The following TSPAN11 variants were observed in gnomAD, a reference collection of about 807,000 sequenced individuals.
TSPAN11 encodes tetraspanin-11.
In TSPAN11, 29 loss-of-function variants were observed where a neutral mutation model predicts 32.9. That is an observed-to-expected ratio of 0.88 (90% confidence interval 0.66 to 1.20). The LOEUF (loss-of-function observed/expected upper bound fraction) is 1.20. Ranked by LOEUF, TSPAN11 falls within the 50% of genes most tolerant of loss-of-function variation. TSPAN11 has a pLI of 0.00. For synonymous variants in TSPAN11, 140 were observed against 141.3 expected (o/e 0.99, Z 0.07); for missense variants, 283 against 329.1 (o/e 0.86, Z 1.08).
At chr12:30,930,723 G>A (rs1397027451) in intron 1 of TSPAN11, among the ~76,000 whole-genome samples, 3 of 152,242 alleles carry the variant, frequency 2.0e-5, no homozygotes, top group African/African-American at 7.2e-5. Context: ...GGCTTGAAGA[G>A]TGGTGACTAC....
chr12:30,954,041 A>C lies in TSPAN11; in HGVS notation c.50A>C (p.Lys17Thr). 1 of 1,613,912 alleles carries C rather than the reference A, an allele frequency of 6.2e-7. No homozygotes were observed. Among genetic ancestry groups the C allele is most frequent in the Non-Finnish European group, 8.5e-7 (1 of 1,179,962 alleles). The change falls in exon 2 of 8, where the codon AAG becomes ACG. Residue 17 changes from lysine to threonine, a missense_variant. By Grantham distance (78) the Lys-to-Thr change is moderately conservative (BLOSUM62 -1). Transcript: ENST00000546076. ...EQDDWLIIYL[K>T]YLLFVFNFFF... Reference sequence around the variant, plus strand: ...GACGACTGGCTGATCATCTACTTGAAGTATTTACTCTTTGTCTTCAACTTC... The same window carrying C: ...GACGACTGGCTGATCATCTACTTGACGTATTTACTCTTTGTCTTCAACTTC...
chr12:30,978,674 T>G (rs1939025154), intron 4 of TSPAN11, 39 bp downstream of exon 4: 3 of 1,605,460 alleles, frequency 1.9e-6, no homozygotes, highest in Non-Finnish European at 2.6e-6. Context: ...TCTGTCAGTG[T>G]CCTGAAGAAG....
At position 30,952,652 on chromosome 12, in the gene TSPAN11, A is replaced by T. The variant is rs865972978; in HGVS notation, c.-11-1329A>T. ...TTGGGGCGTGGTCACGCACCAGCCCAGGAGGCAAGAATAGGATGAAAGGAT... is the reference window on the plus strand; with the variant it reads ...TTGGGGCGTGGTCACGCACCAGCCCTGGAGGCAAGAATAGGATGAAAGGAT... On this transcript the variant is annotated intron_variant, in intron 1 of 7. Transcript: ENST00000546076. Among the ~76,000 whole-genome samples, 2 of 152,196 alleles carry T rather than the reference A, an allele frequency of 1.3e-5. 1 individual carries two copies. The highest frequency in any genetic ancestry group is 4.8e-5 in the African/African-American group (2 of 41,438).
rs1386591937 is a variant in TSPAN11 at position 30,995,967 on chromosome 12, C to T, written c.*4052C>T. The T allele has an allele frequency of 6.6e-6, 1 of 152,230 alleles. No individual in the cohort carries two copies. The highest frequency in any genetic ancestry group is 2.4e-5 in the African/African-American group (1 of 41,446). The allele number at this position is 152,230 out of a possible 1,614,324, so 9.4% of individuals were successfully genotyped here. On this transcript the variant is annotated 3_prime_UTR_variant, in exon 8 of 8. Transcript: ENST00000546076. ...AGCCACCCTCCTTTACATGTCACAA[C>T]GCTCAGGGTCCATGAGTACCTCAGG...
In TSPAN11 at chr12:30,980,632, A is replaced by C. The variant is rs912495786; in HGVS notation, c.456+962A>C. On this transcript the variant is annotated intron_variant, in intron 5 of 7. Coordinates refer to ENST00000546076, the MANE Select transcript of TSPAN11 (RefSeq NM_001370302.1). ...GAGGTAGTAGATGTGGGGAGCTGTGAGCCCCAGCGGCGTCATGGATCAACT... is the reference window on the plus strand; with the variant it reads ...GAGGTAGTAGATGTGGGGAGCTGTGCGCCCCAGCGGCGTCATGGATCAACT... Among the ~76,000 whole-genome samples, 5 of 150,828 alleles carry C rather than the reference A, an allele frequency of 3.3e-5. No individual in the cohort carries two copies. The South Asian group carries it at 8.6e-4, about 26-fold the overall frequency.
intron 3 of TSPAN11, among the ~76,000 whole-genome samples, chr12:30,968,954 C>T (rs987502156): frequency 2.0e-5 from 3 of 152,174 alleles, no homozygotes; most frequent in African/African-American, 4.8e-5. Flanking sequence ...TTCTGCCTGC[C>T]TCCTTGTGTT....
rs1325142616 is a variant in TSPAN11 at position 30,994,757 on chromosome 12, A to C, written c.*2842A>C. ...TCCTGCTGTGCACTTAGAATCTGTC[A>C]CCATAAATACTTATCTCGCAGTTAC... On this transcript the variant is annotated 3_prime_UTR_variant, in exon 8 of 8. Coordinates refer to ENST00000546076, the MANE Select transcript of TSPAN11 (RefSeq NM_001370302.1). The C allele has an allele frequency of 6.6e-6, 1 of 152,102 alleles. No homozygotes were observed. The highest frequency in any genetic ancestry group is 1.5e-5 in the Non-Finnish European group (1 of 68,022). 9.4% of individuals were successfully genotyped at this position (152,102 alleles called of 1,614,324 possible).
the TSPAN11 span, chr12:31,012,895 A>G: frequency 6.6e-6 from 1 of 152,258 alleles, no homozygotes; most frequent in African/African-American, 2.4e-5. Context: ...GGATAAAGAT[A>G]CAAGATATTT....
chr12:30,964,078 C>CA, intron 3 of TSPAN11, 61 bp downstream of exon 3: 1 of 1,561,314 alleles, frequency 6.4e-7, no homozygotes, highest in South Asian at 1.2e-5. Context: ...GTCAGGTTTC[C>CA]AGCAAGTGAG....
At chr12:31,014,719 C>G in the TSPAN11 span, among the ~76,000 whole-genome samples, 1 of 152,162 alleles carries the variant, frequency 6.6e-6, no homozygotes, top group Admixed American at 6.5e-5. Context: ...TGACAGTAAC[C>G]AGCCCCTCCT....
chr12:30,978,958 C>T (rs1401649284), intron 4 of TSPAN11: 1 of 359,562 alleles, frequency 2.8e-6, no homozygotes, highest in Non-Finnish European at 5.1e-6. Context: ...AGAAGAAAGG[C>T]CTGGGCCAGG....
chr12:31,009,394 GC>G, the TSPAN11 span, among the ~76,000 whole-genome samples: 1 of 152,342 alleles, frequency 6.6e-6, no homozygotes, highest in East Asian at 1.9e-4. Flanking sequence ...TTTGCCGGGT[GC>G]CTGTTCTGGC....
chr12:30,929,931 T>C (rs1937883697), intron 1 of TSPAN11, among the ~76,000 whole-genome samples: 1 of 152,194 alleles, frequency 6.6e-6, no homozygotes, highest in African/African-American at 2.4e-5. Flanking sequence ...ACCACCCTTT[T>C]CTAAGCCCCA....
intron 3 of TSPAN11, among the ~76,000 whole-genome samples, chr12:30,977,243 G>C (rs976555841): frequency 6.6e-6 from 1 of 152,202 alleles, no homozygotes; most frequent in African/African-American, 2.4e-5. Context: ...TGGGCCCATG[G>C]ATTAGCATTG....
At chr12:30,939,245 A>AT (rs1938108804) in intron 1 of TSPAN11, among the ~76,000 whole-genome samples, 1 of 151,516 alleles carries the variant, frequency 6.6e-6, no homozygotes, top group Non-Finnish European at 1.5e-5. Flanking sequence ...CATCAAAAAA[A>AT]AAAAAAAAAT....
chr12:31,013,053 T>A, the TSPAN11 span, among the ~76,000 whole-genome samples: 1 of 152,210 alleles, frequency 6.6e-6, no homozygotes, highest in Non-Finnish European at 1.5e-5. Context: ...AAGAGACTGA[T>A]GGGTGGTTTA....
chr12:30,989,402 G>A (rs1324958471), intron 7 of TSPAN11, among the ~76,000 whole-genome samples: 1 of 152,144 alleles, frequency 6.6e-6, no homozygotes, highest in African/African-American at 2.4e-5. Flanking sequence ...GGTGGGGAGC[G>A]GGGGTCTTTA....
intron 2 of TSPAN11, among the ~76,000 whole-genome samples, chr12:30,962,411 A>C (rs4931393): frequency 0.79 from 120,212 of 152,212 alleles, 47,563 homozygotes; most frequent in Admixed American, 0.82. Context: ...CTCATGGTGT[A>C]ATCTTGGGCA....
intron 7 of TSPAN11, among the ~76,000 whole-genome samples, chr12:30,985,611 G>A (rs1372445776): frequency 6.6e-6 from 1 of 152,184 alleles, no homozygotes; most frequent in Non-Finnish European, 1.5e-5. Context: ...CCAGAAACCT[G>A]TTACTCCAGG....
Sources: gnomAD v4.1 joint callset for allele counts (sites outside exome capture counted in the v4.1 genomes callset) on GRCh38, gnomAD v4.1.1 for gene constraint, MANE v1.5 for transcripts, NCBI Gene and HGNC (gene_info 2026-07-23, HGNC 2026-07-21) for gene names.